TXNDC12: variants seen among roughly 807,000 people sequenced by gnomAD.
The protein encoded by TXNDC12 is thioredoxin domain-containing protein 12.
Under a neutral mutation model 24.2 loss-of-function variants are expected in TXNDC12, and 22 were observed. That is an observed-to-expected ratio of 0.91 (90% CI 0.65 to 1.30). The LOEUF (loss-of-function observed/expected upper bound fraction) is 1.30. Among genes scored for constraint, TXNDC12 ranks in the 50% most tolerant of loss-of-function variants. TXNDC12 has a pLI of 0.00. For synonymous variants in TXNDC12, 58 were observed against 73.4 expected (o/e 0.79, Z 1.07); for missense variants, 184 against 205.8 (o/e 0.89, Z 0.65).
At chr1:52,024,614 A>G (rs760560466) in intron 4 of TXNDC12, 35 bp from the exon 5 acceptor site, 2 of 1,530,992 alleles carry the variant, frequency 1.3e-6, no homozygotes, top group South Asian at 2.3e-5. Flanking sequence ...AAGTCAGATA[A>G]CGTCCTCTCT....
At chr1:52,038,524 C>T (rs557703590) in intron 2 of TXNDC12, among the ~76,000 whole-genome samples, 1 of 152,112 alleles carries the variant, frequency 6.6e-6, no homozygotes, top group African/African-American at 2.4e-5. Context: ...GTTGGCCAGG[C>T]TGGTCATAAA....
chr1:52,033,358 C>A lies in TXNDC12; in HGVS notation c.159-4728G>T, dbSNP rs780704290. On this transcript the variant is annotated intron_variant, in intron 2 of 6. Transcript: ENST00000371626. Reference sequence around the variant, plus strand: ...TCTCCCGTCCTCCTCAGCGCGTGGCCGCCAACTCACACTGACGTTCCGGCC... The same window carrying A: ...TCTCCCGTCCTCCTCAGCGCGTGGCAGCCAACTCACACTGACGTTCCGGCC... 4.3e-6 allele frequency: 7 copies of A among 1,613,710 alleles called. No homozygotes were observed. The Admixed American group carries it at 8.3e-5, about 19-fold the overall frequency.
At chr1:52,052,797 AC>A (rs1380736884) in intron 1 of TXNDC12, 5 of 152,230 alleles carry the variant, frequency 3.3e-5, no homozygotes, top group African/African-American at 7.2e-5. Context: ...CCAAGGTATT[AC>A]CTACACCTAA....
At chr1:52,039,264 T>C (rs534004180) in intron 2 of TXNDC12, among the ~76,000 whole-genome samples, 1 of 152,180 alleles carries the variant, frequency 6.6e-6, no homozygotes, top group Non-Finnish European at 1.5e-5. Flanking sequence ...ATGGGTTTCA[T>C]GGTGTTATTC....
At position 52,055,051 on chromosome 1, in the gene TXNDC12, T is replaced by A; in HGVS notation, c.46A>T (p.Ser16Cys). The A allele has an allele frequency of 6.2e-7, 1 of 1,614,080 alleles. No individual in the cohort carries two copies. Among genetic ancestry groups the A allele is most frequent in the South Asian group, 1.1e-5 (1 of 91,078 alleles). ...RLGATCLLGF[S>C]FLLLVISSDG... ...GAAGAGATGACGAGGAGCAGGAAAC[T>A]GAAGCCCAGCAAACAGGTGGCCCCG... is the stretch of plus-strand genomic sequence containing the variant. The change falls in exon 1 of 7, where the codon AGT becomes TGT. Residue 16 changes from serine (S) to cysteine (C), a missense_variant. Ser to Cys is a moderately radical substitution (Grantham distance 112). Transcript: ENST00000371626.
chr1:52,044,528 G>A (rs1032589108), intron 1 of TXNDC12, among the ~76,000 whole-genome samples: 17 of 152,148 alleles, frequency 1.1e-4, no homozygotes, highest in East Asian at 1.9e-4. Context: ...AAAAGAAGTC[G>A]CCACAAGAAC....
intron 2 of TXNDC12, chr1:52,032,984 T>C (rs3170843): frequency 6.4e-7 from 1 of 1,570,532 alleles, no homozygotes. Context: ...TGGGACTGCG[T>C]AGACTGATGG....
chr1:52,033,351 G>A, intron 2 of TXNDC12: 1 of 1,613,724 alleles, frequency 6.2e-7, no homozygotes. Context: ...CCTCCTCAGC[G>A]CGTGGCCGCC....
Position 52,025,451 on chromosome 1 carries a change from C to T in TXNDC12, c.286-872G>A, listed in dbSNP as rs534483148. Among the ~76,000 whole-genome samples, 6 of 152,324 alleles carry T rather than the reference C, an allele frequency of 3.9e-5. No individual in the cohort carries two copies. The East Asian group carries it at 7.7e-4, about 20-fold the overall frequency. ...GCCAGGATGGTCTCAATCTCCTGAC[C>T]TTGTGATCCACCTGCCTTGGCCTCC... is the stretch of plus-strand genomic sequence containing the variant. On this transcript the variant is annotated intron_variant, in intron 4 of 6. Transcript: ENST00000371626.
chr1:52,033,736 A>C (rs1340495939), intron 2 of TXNDC12: 1 of 1,606,260 alleles, frequency 6.2e-7, no homozygotes, highest in East Asian at 2.2e-5. Flanking sequence ...GCTGTACGGC[A>C]GCCCGCAAAA....
intron 2 of TXNDC12, among the ~76,000 whole-genome samples, chr1:52,030,992 A>G (rs1161356760): frequency 2.6e-5 from 4 of 152,160 alleles, no homozygotes; most frequent in Non-Finnish European, 2.9e-5. Flanking sequence ...AACATTTACC[A>G]TTTGGCCCTT....
At chr1:52,037,688 C>T (rs963501919) in intron 2 of TXNDC12, among the ~76,000 whole-genome samples, 2 of 152,138 alleles carry the variant, frequency 1.3e-5, no homozygotes, top group Non-Finnish European at 2.9e-5. Flanking sequence ...GTTGTCTAAG[C>T]CTTCTTATTG....
chr1:52,041,935 A>C (rs547599591), intron 1 of TXNDC12, among the ~76,000 whole-genome samples: 2 of 152,382 alleles, frequency 1.3e-5, no homozygotes, highest in Admixed American at 1.3e-4. Context: ...AAAGCAGGTC[A>C]TAACAAATCA....
chr1:52,033,656 C>T (rs1356268222), intron 2 of TXNDC12: 4 of 1,611,374 alleles, frequency 2.5e-6, no homozygotes, highest in South Asian at 2.2e-5. Flanking sequence ...GCTGCGTCGT[C>T]CACCACGTAC....
chr1:52,027,034 T>TA (rs772080465), intron 4 of TXNDC12, among the ~76,000 whole-genome samples: 424 of 142,248 alleles, frequency 3.0e-3, no homozygotes, highest in African/African-American at 7.5e-3. Flanking sequence ...AGACTCCATA[T>TA]AAAAAAAAAA....
chr1:52,050,323 T>G (rs1299724214), intron 1 of TXNDC12, among the ~76,000 whole-genome samples: 1 of 152,194 alleles, frequency 6.6e-6, no homozygotes, highest in Non-Finnish European at 1.5e-5. Context: ...ACATGGAACA[T>G]CTGAAGGCAG....
At chr1:52,021,862 G>A (rs560673168) in intron 6 of TXNDC12, among the ~76,000 whole-genome samples, 1 of 152,294 alleles carries the variant, frequency 6.6e-6, no homozygotes, top group Admixed American at 6.5e-5. Flanking sequence ...TAGTAAAGCT[G>A]GGTTTGAATG....
rs191520700 is a variant in TXNDC12 at position 52,032,754 on chromosome 1, C to T, written c.159-4124G>A. On this transcript the variant is annotated intron_variant, in intron 2 of 6. Transcript: ENST00000371626. Reference sequence around the variant, plus strand: ...ACATGTTGGCCAGTTGCGGCAAGTTCTCATTGTTGGGATGCATTTTAGTGT... The same window carrying T: ...ACATGTTGGCCAGTTGCGGCAAGTTTTCATTGTTGGGATGCATTTTAGTGT... 2.5e-6 allele frequency: 4 copies of T among 1,614,024 alleles called. No homozygotes were observed. In the Admixed American group the frequency reaches 6.7e-5, roughly 27 times the overall value.
intron 2 of TXNDC12, chr1:52,033,056 C>G (rs202157272): frequency 4.4e-6 from 7 of 1,594,608 alleles, no homozygotes; most frequent in Non-Finnish European, 6.0e-6. Flanking sequence ...AACGGCTCCT[C>G]TAGGCCCACC....
Sources: allele counts gnomAD v4.1 joint callset (sites outside exome capture counted in the v4.1 genomes callset), GRCh38; gene constraint gnomAD v4.1.1; transcripts MANE v1.5; gene names NCBI Gene and HGNC (gene_info 2026-07-23, HGNC 2026-07-21).